Variants in GLG1 observed in about 807,000 individuals in gnomAD.
GLG1 encodes the protein golgi glycoprotein 1, also known as Golgi apparatus protein 1.
GLG1 carries 38 observed loss-of-function variants against 160.5 expected under a neutral mutation model. That is an observed-to-expected ratio of 0.24 (90% CI 0.18 to 0.31). The LOEUF is 0.31. Among genes scored for constraint, GLG1 ranks in the 10% least tolerant of loss-of-function variants. The pLI, the probability that GLG1 is intolerant of heterozygous loss-of-function variation, is 1.00. For synonymous variants in GLG1, 644 were observed against 543.4 expected, an observed-to-expected ratio of 1.19 and a Z score of -2.57; for missense variants, 1,373 against 1,505.2, an observed-to-expected ratio of 0.91 and a Z score of 1.45.
intron 3 of GLG1, among the ~76,000 whole-genome samples, chr16:74,506,473 T>G (rs1189006777): frequency 1.3e-5 from 2 of 149,270 alleles, no homozygotes; most frequent in African/African-American, 4.9e-5. Flanking sequence ...TCCCAGCTAC[T>G]TGGGAGGCTG....
chr16:74,463,389 T>C lies in GLG1; in HGVS notation c.2758A>G (p.Met920Val), dbSNP rs1049468169. 6.2e-7 allele frequency: 1 copy of C among 1,614,152 alleles called. No individual in the cohort carries two copies. The highest frequency in any genetic ancestry group is 8.5e-7 in the Non-Finnish European group (1 of 1,179,974). ...TGGGTGATCTGGCGCTTGGTTATCA[T>C]CTGTTTGCATTTGGGATCCATCAAT... ...SELMDPKCKQ[M>V]ITKRQITQNT... The change falls in exon 20 of 26, where the codon ATG becomes GTG. Residue 920 changes from methionine to valine, a missense_variant. By Grantham distance (21) the Met-to-Val change is conservative. Transcript: ENST00000422840.
intron 1 of GLG1, among the ~76,000 whole-genome samples, chr16:74,571,833 A>G (rs2018835587): frequency 6.6e-6 from 1 of 152,122 alleles, no homozygotes; most frequent in African/African-American, 2.4e-5. Flanking sequence ...AAAAATACTA[A>G]AAAGATTAGA....
At chr16:74,585,662 C>T (rs1432886824) in intron 1 of GLG1, among the ~76,000 whole-genome samples, 1 of 144,080 alleles carries the variant, frequency 6.9e-6, no homozygotes, top group African/African-American at 2.6e-5. Context: ...GAGCCAAGAT[C>T]ACGCTACTGT....
In GLG1 at chr16:74,448,813, A is replaced by T. The variant is rs2014175128; in HGVS notation, c.*4354T>A. On this transcript the variant is annotated 3_prime_UTR_variant, in exon 26 of 26. Coordinates refer to ENST00000422840, the MANE Select transcript of GLG1 (RefSeq NM_001145667.2). The stretch of plus-strand genomic sequence containing the variant: ...GGCTCACGCCTGTAATGCACTTTGG[A>T]AGGCCGAAGTGCACTTTGGCCGAAG... The T allele has an allele frequency of 1.3e-5, 2 of 149,692 alleles. No individual in the cohort carries two copies. Among genetic ancestry groups the T allele is most frequent in the Admixed American group, 6.7e-5 (1 of 14,934 alleles). The allele number at this position is 149,692 out of a possible 1,614,324, so 9.3% of individuals were successfully genotyped here.
intron 2 of GLG1, among the ~76,000 whole-genome samples, chr16:74,529,808 A>ATTT (rs1567505833): frequency 2.4e-5 from 2 of 84,278 alleles, no homozygotes; most frequent in Non-Finnish European, 4.5e-5. Context: ...GCTCTTTGAG[A>ATTT]GTTCTTTTTT....
chr16:74,523,942 G>C (rs1470104149), intron 2 of GLG1, among the ~76,000 whole-genome samples: 1 of 152,148 alleles, frequency 6.6e-6, no homozygotes, highest in East Asian at 1.9e-4. Flanking sequence ...CAGGCGCGGT[G>C]GCTCACGCCT....
At chr16:74,454,138 G>A (rs1293306208) in intron 25 of GLG1, among the ~76,000 whole-genome samples, 2 of 151,878 alleles carry the variant, frequency 1.3e-5, no homozygotes, top group Admixed American at 1.3e-4. Context: ...CTCCCAAAGT[G>A]CTGGGATTAC....
intron 1 of GLG1, among the ~76,000 whole-genome samples, chr16:74,557,736 G>GA (rs925750733): frequency 6.6e-6 from 1 of 151,916 alleles, no homozygotes; most frequent in African/African-American, 2.4e-5. Flanking sequence ...TTCCTTGGTA[G>GA]AAAGTGTCCT....
rs542157325 is a variant in GLG1 at position 74,603,110 on chromosome 16, A to G, written c.438+3547T>C. ...GTCTCAAACAACAACAACAACAACA[A>G]CAGCAGCAGCAGCAGCAGCAGCCAG... On this transcript the variant is annotated intron_variant, in intron 1 of 25. Coordinates refer to ENST00000422840, the MANE Select transcript of GLG1 (RefSeq NM_001145667.2). Among the ~76,000 whole-genome samples the G allele has an allele frequency of 2.2e-4, 33 of 151,402 alleles. 2 individuals carry two copies. Among genetic ancestry groups the G allele is most frequent in the African/African-American group, 3.1e-4 (13 of 41,392 alleles).
chr16:74,558,558 C>A (rs2143727144), intron 1 of GLG1, among the ~76,000 whole-genome samples: 1 of 152,344 alleles, frequency 6.6e-6, no homozygotes, highest in South Asian at 2.1e-4. Flanking sequence ...ATGGCTTTCG[C>A]CCATGTTTCC....
intron 8 of GLG1, 84 bp from the exon 9 acceptor site, chr16:74,486,001 A>T (rs1407376286): frequency 9.6e-7 from 1 of 1,045,460 alleles, no homozygotes; most frequent in Non-Finnish European, 1.4e-6. Context: ...TCAGTTGCTC[A>T]GTCCTATTTA....
intron 1 of GLG1, among the ~76,000 whole-genome samples, chr16:74,556,346 T>C (rs2018352980): frequency 6.6e-6 from 1 of 152,204 alleles, no homozygotes; most frequent in Admixed American, 6.5e-5. Context: ...TTAAATACTT[T>C]ACTAGAAAAT....
intron 3 of GLG1, among the ~76,000 whole-genome samples, chr16:74,504,900 T>C (rs1186204874): frequency 6.6e-6 from 1 of 152,136 alleles, no homozygotes; most frequent in Non-Finnish European, 1.5e-5. Flanking sequence ...CAGGCAAAAG[T>C]AAAACCTAAT....
At chr16:74,493,856 TTC>T (rs1278139961) in intron 6 of GLG1, among the ~76,000 whole-genome samples, 1 of 152,096 alleles carries the variant, frequency 6.6e-6, no homozygotes, top group Non-Finnish European at 1.5e-5. Flanking sequence ...TTATATAAAA[TTC>T]TCTGATTTTA....
chr16:74,489,255 G>A (rs2015898782), intron 8 of GLG1, among the ~76,000 whole-genome samples: 1 of 152,058 alleles, frequency 6.6e-6, no homozygotes, highest in Non-Finnish European at 1.5e-5. Flanking sequence ...AAGATCACCT[G>A]AGGTCCAGAG....
At chr16:74,594,691 T>C (rs1373081758) in intron 1 of GLG1, among the ~76,000 whole-genome samples, 2 of 152,172 alleles carry the variant, frequency 1.3e-5, no homozygotes, top group Non-Finnish European at 2.9e-5. Context: ...AACTCATAAA[T>C]TAGGCATTCG....
chr16:74,463,732 T>TTTG (rs72240229), intron 19 of GLG1, among the ~76,000 whole-genome samples: 41,425 of 151,062 alleles, frequency 0.27, 5,840 homozygotes, highest in East Asian at 0.32. Flanking sequence ...TTGTGTTTTT[T>TTTG]TTGTTGTTGT....
intron 1 of GLG1, among the ~76,000 whole-genome samples, chr16:74,540,402 AC>A (rs1361570490): frequency 6.6e-6 from 1 of 151,680 alleles, no homozygotes; most frequent in Non-Finnish European, 1.5e-5. Flanking sequence ...TTATTTTACT[AC>A]CAGGAATTAG....
At chr16:74,497,182 A>G (rs982637859) in intron 4 of GLG1, among the ~76,000 whole-genome samples, 2 of 151,668 alleles carry the variant, frequency 1.3e-5, no homozygotes, top group African/African-American at 4.8e-5. Context: ...CCAGCTACTC[A>G]GGAGGCTGAG....
Sources: allele counts gnomAD v4.1 joint callset (sites outside exome capture counted in the v4.1 genomes callset), GRCh38; gene constraint gnomAD v4.1.1; transcripts MANE v1.5; gene names NCBI Gene and HGNC (gene_info 2026-07-23, HGNC 2026-07-21).